PTPRD: variants seen among roughly 807,000 people sequenced by gnomAD.
PTPRD encodes protein tyrosine phosphatase receptor type D.
PTPRD carries 34 observed loss-of-function variants against 214.5 expected under a neutral mutation model. The ratio of observed to expected loss-of-function variants is 0.16; its 90% CI spans 0.12 to 0.21. The LOEUF (loss-of-function observed/expected upper bound fraction) is 0.21. PTPRD is among the 10% of genes least tolerant of loss of function. The pLI is 1.00. For missense variants in PTPRD, 2,545 were observed against 2,398.7 expected, an observed-to-expected ratio of 1.06 and a Z score of -1.27; for synonymous variants, 1,128 against 845.7, an observed-to-expected ratio of 1.33 and a Z score of -5.79.
At chr9:9,741,003 G>C (rs1159655632) in intron 6 of PTPRD, among the ~76,000 whole-genome samples, 2 of 152,204 alleles carry the variant, frequency 1.3e-5, no homozygotes, top group Non-Finnish European at 2.9e-5. Flanking sequence ...CGCGATTTGA[G>C]AGACTTGATA....
chr9:9,434,669 A>G (rs886728871), intron 8 of PTPRD, among the ~76,000 whole-genome samples: 4 of 152,016 alleles, frequency 2.6e-5, no homozygotes, highest in African/African-American at 9.7e-5. Flanking sequence ...CTGGCATAAA[A>G]ATAGACAGAC....
chr9:8,933,776 G>T (rs28498364), intron 11 of PTPRD, among the ~76,000 whole-genome samples: 6,665 of 152,096 alleles, frequency 0.044, 472 homozygotes, highest in African/African-American at 0.15. Context: ...ACAAAAACAC[G>T]TTTGGTAGCA....
intron 9 of PTPRD, among the ~76,000 whole-genome samples, chr9:9,223,913 C>T (rs2099957766): frequency 6.6e-6 from 1 of 151,984 alleles, no homozygotes; most frequent in Non-Finnish European, 1.5e-5. Flanking sequence ...ATTATGCTTG[C>T]ATGGCTGAAA....
intron 8 of PTPRD, among the ~76,000 whole-genome samples, chr9:9,566,576 G>T (rs983315633): frequency 6.6e-6 from 1 of 151,764 alleles, no homozygotes; most frequent in Admixed American, 6.6e-5. Flanking sequence ...ATAAAACCTG[G>T]ATGTTTTATT....
At chr9:10,234,073 T>C (rs2099621116) in intron 3 of PTPRD, among the ~76,000 whole-genome samples, 1 of 151,602 alleles carries the variant, frequency 6.6e-6, no homozygotes. Flanking sequence ...GCCAACATGG[T>C]GAAACCCTGT....
intron 11 of PTPRD, among the ~76,000 whole-genome samples, chr9:8,916,967 A>G (rs938222742): frequency 1.1e-4 from 17 of 152,232 alleles, no homozygotes; most frequent in African/African-American, 3.6e-4. Flanking sequence ...CAAATTCTGC[A>G]TATAATCGTG....
intron 35 of PTPRD, among the ~76,000 whole-genome samples, chr9:8,409,457 T>C (rs576833939): frequency 1.3e-5 from 2 of 151,826 alleles, no homozygotes; most frequent in African/African-American, 4.9e-5. Flanking sequence ...GGGAACAATC[T>C]GTGTAGTACT....
intron 11 of PTPRD, among the ~76,000 whole-genome samples, chr9:8,941,006 A>T (rs2099030720): frequency 6.6e-6 from 1 of 152,142 alleles, no homozygotes; most frequent in Non-Finnish European, 1.5e-5. Flanking sequence ...TCCATCTTGA[A>T]GATTTAGACA....
chr9:9,490,646 G>A (rs1275602054), intron 8 of PTPRD, among the ~76,000 whole-genome samples: 1 of 151,874 alleles, frequency 6.6e-6, no homozygotes, highest in Non-Finnish European at 1.5e-5. Flanking sequence ...AAGTTAAGCT[G>A]GTATTAAGTT....
intron 3 of PTPRD, among the ~76,000 whole-genome samples, chr9:10,266,146 C>A (rs936838260): frequency 6.6e-6 from 1 of 152,088 alleles, no homozygotes; most frequent in Non-Finnish European, 1.5e-5. Context: ...CACACATACA[C>A]ACACACAGAC....
chr9:8,526,772 T>C, intron 16 of PTPRD, 128 bp from the exon 17 acceptor site: 1 of 642,848 alleles, frequency 1.6e-6, no homozygotes. Context: ...AAAAGAAACT[T>C]GAATTACTAT....
intron 11 of PTPRD, among the ~76,000 whole-genome samples, chr9:8,929,165 C>T (rs1444008295): frequency 6.6e-6 from 1 of 152,072 alleles, no homozygotes; most frequent in African/African-American, 2.4e-5. Context: ...CCTTTCCTAA[C>T]TGAACACACT....
chr9:10,114,595 C>T (rs1471332626), intron 3 of PTPRD, among the ~76,000 whole-genome samples: 1 of 151,720 alleles, frequency 6.6e-6, no homozygotes, highest in African/African-American at 2.4e-5. Context: ...TATATATATG[C>T]ATGCATACAT....
At chr9:8,618,918 T>C (rs1333049695) in intron 14 of PTPRD, among the ~76,000 whole-genome samples, 1 of 129,286 alleles carries the variant, frequency 7.7e-6, no homozygotes, top group Admixed American at 7.5e-5. Context: ...TTTTTTGTTT[T>C]TTTTTTTTTT....
At chr9:8,890,846 G>A (rs1451515507) in intron 11 of PTPRD, among the ~76,000 whole-genome samples, 2 of 152,114 alleles carry the variant, frequency 1.3e-5, no homozygotes, top group African/African-American at 4.8e-5. Flanking sequence ...CATCATGAAA[G>A]CAGGCTAAAA....
At chr9:8,835,518 G>C (rs965281692) in intron 11 of PTPRD, among the ~76,000 whole-genome samples, 4 of 152,020 alleles carry the variant, frequency 2.6e-5, no homozygotes, top group African/African-American at 7.2e-5. Context: ...GCCCTGACAA[G>C]TTTTACTTTT....
chr9:8,570,665 G>C (rs549053503), intron 14 of PTPRD, among the ~76,000 whole-genome samples: 41 of 152,142 alleles, frequency 2.7e-4, no homozygotes, highest in African/African-American at 9.2e-4. Context: ...TACAGTCTCA[G>C]AGTTCTTTTC....
At chr9:9,126,334 C>G (rs1402946745) in intron 10 of PTPRD, among the ~76,000 whole-genome samples, 1 of 152,104 alleles carries the variant, frequency 6.6e-6, no homozygotes, top group Non-Finnish European at 1.5e-5. Context: ...GCCAACCGGT[C>G]AGAAGGAACA....
chr9:9,905,208 T>C (rs1463438849), intron 5 of PTPRD, among the ~76,000 whole-genome samples: 1 of 152,042 alleles, frequency 6.6e-6, no homozygotes, highest in Non-Finnish European at 1.5e-5. Context: ...TATGTTTGTA[T>C]CTACATATCT....
Sources: gnomAD v4.1 joint callset for allele counts (sites outside exome capture counted in the v4.1 genomes callset) on GRCh38, gnomAD v4.1.1 for gene constraint, MANE v1.5 for transcripts, NCBI Gene and HGNC (gene_info 2026-07-23, HGNC 2026-07-21) for gene names.